Variants in TCOF1 observed in about 807,000 individuals in gnomAD.
TCOF1 encodes the protein treacle ribosome biogenesis factor 1, also known as treacle protein.
In TCOF1, 33 loss-of-function variants were observed where a neutral mutation model predicts 149.0. The ratio of observed to expected loss-of-function variants is 0.22; its 90% confidence interval spans 0.17 to 0.30. The LOEUF is 0.30. TCOF1 is among the 10% of genes least tolerant of loss of function. The pLI, the probability that TCOF1 is intolerant of heterozygous loss-of-function variation, is 1.00. For synonymous variants in TCOF1, 789 were observed against 738.8 expected, an observed-to-expected ratio of 1.07 and a Z score of -1.10; for missense variants, 1,728 against 1,840.7, an observed-to-expected ratio of 0.94 and a Z score of 1.12.
At chr5:150,387,222 C>A (rs891570673) in intron 17 of TCOF1, among the ~76,000 whole-genome samples, 1 of 152,244 alleles carries the variant, frequency 6.6e-6, no homozygotes, top group Non-Finnish European at 1.5e-5. Context: ...CCCTGATTGT[C>A]TCATGGAGTT....
intron 1 of TCOF1, 99 bp downstream of exon 1, chr5:150,357,953 G>A: frequency 4.6e-6 from 6 of 1,310,836 alleles, no homozygotes; most frequent in Non-Finnish European, 6.3e-6. Flanking sequence ...GCAGGCGCCC[G>A]GAGCCGGGTC....
intron 8 of TCOF1, 23 bp from the exon 9 acceptor site, chr5:150,374,594 C>T (rs1258975785): frequency 1.2e-6 from 2 of 1,612,546 alleles, no homozygotes; most frequent in Non-Finnish European, 1.7e-6. Context: ...TCTGGGCTGT[C>T]TCCCCTTGTC....
At chr5:150,399,633 A>T (rs1769372598) in intron 26 of TCOF1, among the ~76,000 whole-genome samples, 177 bp from the exon 27 acceptor site, 1 of 152,180 alleles carries the variant, frequency 6.6e-6, no homozygotes, top group Non-Finnish European at 1.5e-5. Flanking sequence ...GGTGAGGCTT[A>T]TGTGAAGCTA....
In TCOF1 at chr5:150,387,992, C is replaced by T. The variant is rs534472445; in HGVS notation, c.2950C>T (p.Pro984Ser). Residue 984 changes from proline (P) to serine (S), a missense_variant, in exon 18 of 27, where the codon CCG becomes TCG. Physicochemically the swap from Pro to Ser is moderately conservative, Grantham distance 74. Around this residue, in one of 2 missense-constraint regions of TCOF1, gnomAD observed 1,696 missense variants for 1,765.4 expected, o/e 0.96. Transcript: ENST00000643257. ...TPAQAQAAST[P>S]RKARASESTA... ...CGCACAAGCCCAGGCTGCAAGCACC[C>T]CGAGGAAGGCCCGAGCCTCGGAGAG... is the stretch of plus-strand genomic sequence containing the variant. 6.2e-6 allele frequency: 10 copies of T among 1,613,912 alleles called. No individual in the cohort carries two copies. The East Asian group carries it at 2.0e-4, about 32-fold the overall frequency.
chr5:150,359,875 T>G (rs1759634628), intron 1 of TCOF1, among the ~76,000 whole-genome samples: 1 of 152,132 alleles, frequency 6.6e-6, no homozygotes, highest in South Asian at 2.1e-4. Flanking sequence ...CAGACTTCGA[T>G]TATAAGTAGG....
At chr5:150,395,577 A>C (rs1441313431) in intron 23 of TCOF1, among the ~76,000 whole-genome samples, 5 of 151,558 alleles carry the variant, frequency 3.3e-5, no homozygotes, top group African/African-American at 1.2e-4. Flanking sequence ...CACAATTATC[A>C]AAGGCAAGCA....
intron 18 of TCOF1, among the ~76,000 whole-genome samples, chr5:150,388,659 C>T (rs150377558): frequency 1.8e-3 from 267 of 152,310 alleles, no homozygotes; most frequent in Middle Eastern, 3.4e-3. Context: ...AAAATGCAGA[C>T]GGGTGCAGTG....
intron 4 of TCOF1, 124 bp downstream of exon 4, chr5:150,368,041 C>G: frequency 9.7e-7 from 1 of 1,033,938 alleles, no homozygotes; most frequent in Non-Finnish European, 1.5e-6. Context: ...AGAGCTCAAC[C>G]TGTGTCACCA....
intron 20 of TCOF1, 69 bp from the exon 21 acceptor site, chr5:150,391,888 T>A (rs1214002854): frequency 1.4e-6 from 2 of 1,478,946 alleles, no homozygotes; most frequent in African/African-American, 2.8e-5. Context: ...CCTACTGAAG[T>A]GTTCAGGAAG....
chr5:150,388,695 T>C (rs1766778974), intron 18 of TCOF1, among the ~76,000 whole-genome samples: 1 of 152,332 alleles, frequency 6.6e-6, no homozygotes, highest in South Asian at 2.1e-4. Flanking sequence ...CCTAGCTCTT[T>C]GGGAGGCTGA....
intron 17 of TCOF1, among the ~76,000 whole-genome samples, chr5:150,381,540 A>G (rs1765182285): frequency 6.6e-6 from 1 of 152,254 alleles, no homozygotes; most frequent in Admixed American, 6.5e-5. Context: ...GCATGAAGGC[A>G]CATGGTCACT....
At chr5:150,379,756 C>T (rs750780111) in intron 17 of TCOF1, 24 bp downstream of exon 17, 7 of 1,610,930 alleles carry the variant, frequency 4.3e-6, no homozygotes, top group Non-Finnish European at 5.9e-6. Context: ...GGCCTCTGAG[C>T]CACCAACACT....
chr5:150,377,904 T>C (rs781773771), intron 14 of TCOF1, among the ~76,000 whole-genome samples: 2 of 152,272 alleles, frequency 1.3e-5, no homozygotes, highest in Non-Finnish European at 2.9e-5. Context: ...TTTCTTTTTG[T>C]TGATTTCTAA....
chr5:150,377,744 A>G (rs916196552), intron 14 of TCOF1, among the ~76,000 whole-genome samples: 1 of 152,152 alleles, frequency 6.6e-6, no homozygotes, highest in African/African-American at 2.4e-5. Flanking sequence ...AATGCCTTAC[A>G]GAGTTTCATT....
At chr5:150,380,310 C>T (rs1764853782) in intron 17 of TCOF1, 1 of 166,374 alleles carries the variant, frequency 6.0e-6, no homozygotes, top group Non-Finnish European at 1.3e-5. Flanking sequence ...GCTCTATAAG[C>T]TAGGCCAGTA....
chr5:150,361,158 G>A lies in TCOF1; in HGVS notation c.111G>A (p.Lys37=). Reference sequence around the variant, plus strand: ...GCTTTCTCTTTACCTCTCTGCAGAAGTGTTTCCTGGCTCAGCCCGTAACCC... The same window carrying A: ...GCTTTCTCTTTACCTCTCTGCAGAAATGTTTCCTGGCTCAGCCCGTAACCC... ...AREVKEQSGQ[K]CFLAQPVTLL... Residue 37 remains lysine (K), a splice_region_variant and synonymous_variant, in exon 2 of 27, where the codon AAG becomes AAA. Transcript: ENST00000643257. 2 of 1,614,198 alleles carry A rather than the reference G, an allele frequency of 1.2e-6. No homozygotes were observed. Among genetic ancestry groups the A allele is most frequent in the South Asian group, 1.1e-5 (1 of 91,090 alleles).
rs747458522 is a variant in TCOF1 at position 150,376,312 on chromosome 5, T to C, written c.2124T>C (p.Leu708=). ...ESDSEEEKTG[L]AVTVGQAKSV... is the part of the protein sequence containing the mutation. Reference sequence around the variant, plus strand: ...ATAGTGAGGAAGAGAAGACAGGTCTTGCAGTAACCGTGGGACAGGTGAGGC... The same window carrying C: ...ATAGTGAGGAAGAGAAGACAGGTCTCGCAGTAACCGTGGGACAGGTGAGGC... The change falls in exon 13 of 27, where the codon CTT becomes CTC. Residue 708 remains leucine, a synonymous_variant. Coordinates refer to ENST00000643257, the MANE Select transcript of TCOF1 (RefSeq NM_001371623.1). 6.2e-7 allele frequency: 1 copy of C among 1,614,038 alleles called. No homozygotes were observed. The highest frequency in any genetic ancestry group is 1.1e-5 in the South Asian group (1 of 91,074).
chr5:150,396,891 A>G, intron 24 of TCOF1, 49 bp downstream of exon 24: 1 of 1,553,572 alleles, frequency 6.4e-7, no homozygotes, highest in Non-Finnish European at 8.7e-7. Context: ...TGGGCACCCC[A>G]CGGGGGCGGG....
In TCOF1 at chr5:150,367,590, T is replaced by C. The variant is rs72805937; in HGVS notation, c.305-254T>C. ...CTCCAGGGGCCTCCACGTCTCATGCTGCGGGGGAGTTGGGAATCCATCAAG... is the reference window on the plus strand; with the variant it reads ...CTCCAGGGGCCTCCACGTCTCATGCCGCGGGGGAGTTGGGAATCCATCAAG... On this transcript the variant is annotated intron_variant, in intron 3 of 26. Transcript: ENST00000643257. The C allele has an allele frequency of 0.022, 11,184 of 500,088 alleles. 168 individuals are homozygous for C. Among genetic ancestry groups the C allele is most frequent in the Middle Eastern group, 0.038 (66 of 1,744 alleles). The allele number at this position is 500,088 out of a possible 1,614,324, so 31.0% of individuals were successfully genotyped here. A position where few individuals can be genotyped will look rare whatever the true frequency, so the allele number is the denominator to read the frequency against.
Sources: allele counts gnomAD v4.1 joint callset (sites outside exome capture counted in the v4.1 genomes callset), GRCh38; gene constraint gnomAD v4.1.1; regional missense constraint gnomAD v4.1.1; transcripts MANE v1.5; gene names NCBI Gene and HGNC (gene_info 2026-07-23, HGNC 2026-07-21).